The following TLL1 variants were observed in gnomAD, a reference collection of about 807,000 sequenced individuals.
TLL1 encodes tolloid like 1, also known as tolloid-like protein 1.
TLL1 carries 49 observed loss-of-function variants against 128.2 expected under a neutral mutation model. The observed-to-expected ratio is 0.38, with a 90% confidence interval of 0.30 to 0.48. The LOEUF is 0.48. Ranked by LOEUF, TLL1 falls within the 20% of genes least tolerant of loss-of-function variation. TLL1 has a pLI of 0.96. For synonymous variants in TLL1, 454 were observed against 418.8 expected, an observed-to-expected ratio of 1.08 and a Z score of -1.03; for missense variants, 1,123 against 1,242.0, an observed-to-expected ratio of 0.90 and a Z score of 1.44.
At chr4:166,070,351 T>C (rs1018774249) in intron 16 of TLL1, among the ~76,000 whole-genome samples, 6 of 151,930 alleles carry the variant, frequency 3.9e-5, no homozygotes, top group Non-Finnish European at 8.8e-5. Flanking sequence ...AAATAGCACA[T>C]TTGGGAACTT....
chr4:165,973,177 G>A (rs774073048), intron 1 of TLL1, among the ~76,000 whole-genome samples: 17 of 152,050 alleles, frequency 1.1e-4, no homozygotes, highest in Non-Finnish European at 2.4e-4. Context: ...CCCACGATAG[G>A]CCATCTGCAA....
At chr4:166,045,834 T>C (rs1739441125) in intron 12 of TLL1, among the ~76,000 whole-genome samples, 1 of 152,170 alleles carries the variant, frequency 6.6e-6, no homozygotes, top group African/African-American at 2.4e-5. Context: ...TTTACTCTCC[T>C]ATTACTTTAT....
At chr4:166,051,604 A>G (rs557169304) in intron 12 of TLL1, among the ~76,000 whole-genome samples, 1 of 152,290 alleles carries the variant, frequency 6.6e-6, no homozygotes, top group East Asian at 1.9e-4. Context: ...GTGTTGATGT[A>G]GCTGATGAAG....
intron 1 of TLL1, among the ~76,000 whole-genome samples, chr4:165,890,906 G>A (rs900402909): frequency 6.6e-6 from 1 of 152,152 alleles, no homozygotes; most frequent in Non-Finnish European, 1.5e-5. Context: ...TCTCCATGAG[G>A]GCTCTGCCCC....
chr4:165,880,219 A>T (rs1001291392), intron 1 of TLL1, among the ~76,000 whole-genome samples: 12 of 152,204 alleles, frequency 7.9e-5, no homozygotes, highest in Non-Finnish European at 1.6e-4. Context: ...ACTTTGAGAT[A>T]TTGTGGACTG....
Position 166,036,513 on chromosome 4 carries a change from GT to G in TLL1, c.1159-2825del, listed in dbSNP as rs550163960. Among the ~76,000 whole-genome samples, 674 of 152,254 alleles carry G rather than the reference GT, an allele frequency of 4.4e-3. 3 individuals are homozygous for G. Among genetic ancestry groups the G allele is most frequent in the Non-Finnish European group, 7.9e-3 (539 of 68,006 alleles). On this transcript the variant is annotated intron_variant, in intron 9 of 20. Transcript: ENST00000061240. ...ATATGTTCACGTAAAATAACATAAT[GT>G]AAAACAAGCAGATATTTTCCAAGTG...
At chr4:165,950,620 C>T (rs1734465948) in intron 1 of TLL1, among the ~76,000 whole-genome samples, 1 of 151,860 alleles carries the variant, frequency 6.6e-6, no homozygotes, top group African/African-American at 2.4e-5. Flanking sequence ...AAAAATCTCA[C>T]ATATTTGGAA....
intron 6 of TLL1, 54 bp from the exon 7 acceptor site, chr4:166,007,889 C>G (rs1186947836): frequency 8.5e-7 from 1 of 1,173,684 alleles, no homozygotes; most frequent in African/African-American, 1.5e-5. Context: ...GCCTTCTGGT[C>G]TATTTTCTGT....
chr4:165,920,595 G>A (rs769005073), intron 1 of TLL1, among the ~76,000 whole-genome samples: 2 of 152,170 alleles, frequency 1.3e-5, no homozygotes, highest in Non-Finnish European at 2.9e-5. Context: ...AACCTAATTT[G>A]ATGCTTGTAT....
chr4:166,019,400 A>G (rs889523951), intron 8 of TLL1, among the ~76,000 whole-genome samples: 5 of 152,068 alleles, frequency 3.3e-5, no homozygotes, highest in South Asian at 2.1e-4. Context: ...TATCTTATAC[A>G]TGTACTCTTT....
chr4:166,035,516 A>G (rs78894508), intron 9 of TLL1, among the ~76,000 whole-genome samples: 6,740 of 152,262 alleles, frequency 0.044, 195 homozygotes, highest in African/African-American at 0.064. Flanking sequence ...AGCAGTTAAG[A>G]TTCATTCAAC....
At chr4:165,940,926 G>T (rs1561042757) in intron 1 of TLL1, among the ~76,000 whole-genome samples, 1 of 151,916 alleles carries the variant, frequency 6.6e-6, no homozygotes, top group Admixed American at 6.6e-5. Context: ...CCATTTAGCT[G>T]AAAATGCCAT....
At chr4:166,061,251 CT>C (rs1176866599) in intron 15 of TLL1, among the ~76,000 whole-genome samples, 27 of 41,984 alleles carry the variant, frequency 6.4e-4, no homozygotes, top group Non-Finnish European at 6.5e-4. Flanking sequence ...TTTTTTTTTT[CT>C]TTTTTTTTTT....
At chr4:165,900,716 G>A (rs1731945962) in intron 1 of TLL1, among the ~76,000 whole-genome samples, 1 of 152,030 alleles carries the variant, frequency 6.6e-6, no homozygotes, top group South Asian at 2.1e-4. Context: ...TATGTGTATT[G>A]GGTTTGCTAT....
intron 1 of TLL1, among the ~76,000 whole-genome samples, chr4:165,879,717 C>T (rs1395870556): frequency 6.6e-6 from 1 of 151,916 alleles, no homozygotes; most frequent in Non-Finnish European, 1.5e-5. Context: ...CCTGCTGAGA[C>T]CATCTGGTGT....
intron 1 of TLL1, among the ~76,000 whole-genome samples, chr4:165,916,758 A>T (rs1732793201): frequency 6.6e-6 from 1 of 152,168 alleles, no homozygotes. Flanking sequence ...GCAGAATAAG[A>T]TCTAGTACCA....
At chr4:166,083,541 C>A (rs1157744867) in intron 18 of TLL1, among the ~76,000 whole-genome samples, 4 of 123,058 alleles carry the variant, frequency 3.3e-5, no homozygotes, top group African/African-American at 5.0e-5. Context: ...TCAACCCTTT[C>A]CCATCTCAAC....
intron 19 of TLL1, among the ~76,000 whole-genome samples, chr4:166,093,843 T>C (rs2111161349): frequency 6.6e-6 from 1 of 152,282 alleles, no homozygotes; most frequent in South Asian, 2.1e-4. Context: ...CTTGTAAACA[T>C]TTTGTTAACA....
chr4:166,086,308 T>G (rs1167862167), intron 18 of TLL1, among the ~76,000 whole-genome samples: 2 of 152,142 alleles, frequency 1.3e-5, no homozygotes, highest in Admixed American at 1.3e-4. Flanking sequence ...TTATGGACTG[T>G]TCTAGTTATC....
Sources: allele counts gnomAD v4.1 joint callset (sites outside exome capture counted in the v4.1 genomes callset), GRCh38; gene constraint gnomAD v4.1.1; transcripts MANE v1.5; gene names NCBI Gene and HGNC (gene_info 2026-07-23, HGNC 2026-07-21).